Variants in IRAK3 observed in about 807,000 individuals in gnomAD.
IRAK3 encodes interleukin-1 receptor-associated kinase 3.
In IRAK3, 57 loss-of-function variants were observed where a neutral mutation model predicts 56.6. That is an observed-to-expected ratio of 1.01 (90% CI 0.81 to 1.26). The LOEUF (loss-of-function observed/expected upper bound fraction) is 1.26. IRAK3 is among the 50% of genes most tolerant of loss of function. The probability of loss-of-function intolerance (pLI) is 0.00; values close to 1 mark genes in which losing one functional copy is unlikely to be tolerated. For synonymous variants in IRAK3, 258 were observed against 255.7 expected (o/e 1.01, Z -0.09); for missense variants, 703 against 719.0 (o/e 0.98, Z 0.25).
In IRAK3 at chr12:66,211,347, T is replaced by C. The variant is rs953740207; in HGVS notation, c.437-99T>C. 4.6e-6 allele frequency: 4 copies of C among 871,258 alleles called. No individual in the cohort carries two copies. The African/African-American group carries it at 6.6e-5, about 14-fold the overall frequency. 54.0% of individuals were successfully genotyped at this position (871,258 alleles called of 1,614,324 possible). On this transcript the variant is annotated intron_variant, in intron 4 of 11. Transcript: ENST00000261233. ...GTTCCTGGGCCTTTCTCTACTAACCTTCCACTGGACTCTGATTTGTTTCTA... is the reference window on the plus strand; with the variant it reads ...GTTCCTGGGCCTTTCTCTACTAACCCTCCACTGGACTCTGATTTGTTTCTA...
In IRAK3 at chr12:66,239,299, CT is replaced by C. The variant is rs10677185; in HGVS notation, c.888-5173del. ...AAGAAGCCATTTGCTTCAAAATGGA[CT>C]TTTTTTTTTTTTTAATGGAAATTGA... On this transcript the variant is annotated intron_variant, in intron 8 of 11. Transcript: ENST00000261233. Among the ~76,000 whole-genome samples the C allele has an allele frequency of 1.1e-3, 165 of 144,588 alleles. 2 individuals are homozygous for C. The highest frequency in any genetic ancestry group is 3.7e-3 in the African/African-American group (143 of 39,078). The allele number at this position is 144,588 out of a possible 152,430, so 94.9% of individuals were successfully genotyped here.
chr12:66,242,501 G>A (rs2052980164), intron 8 of IRAK3, among the ~76,000 whole-genome samples: 1 of 152,222 alleles, frequency 6.6e-6, no homozygotes, highest in Non-Finnish European at 1.5e-5. Flanking sequence ...GAGTGGGTGA[G>A]GAGTGACAGA....
intron 11 of IRAK3, among the ~76,000 whole-genome samples, chr12:66,245,760 G>A (rs1401154003): frequency 6.6e-6 from 1 of 151,926 alleles, no homozygotes; most frequent in African/African-American, 2.4e-5. Flanking sequence ...TCGAACTCCT[G>A]ACCTCAAGTG....
At chr12:66,198,614 G>GTAGC (rs1372779222) in intron 1 of IRAK3, among the ~76,000 whole-genome samples, 2 of 152,068 alleles carry the variant, frequency 1.3e-5, no homozygotes, top group Non-Finnish European at 2.9e-5. Context: ...GTTTCAAAGG[G>GTAGC]TAGCAGGAAC....
At chr12:66,236,395 C>CAAAAAAAAAA (rs56074285) in intron 8 of IRAK3, among the ~76,000 whole-genome samples, 2 of 110,406 alleles carry the variant, frequency 1.8e-5, no homozygotes, top group African/African-American at 3.7e-5. Flanking sequence ...CTAAAAATAC[C>CAAAAAAAAAA]AAAAAAAAAA....
chr12:66,240,850 T>C (rs1321103489), intron 8 of IRAK3, among the ~76,000 whole-genome samples: 1 of 148,920 alleles, frequency 6.7e-6, no homozygotes, highest in Non-Finnish European at 1.5e-5. Context: ...TATCGGTATA[T>C]ATATTATATA....
At position 66,246,434 on chromosome 12, in the gene IRAK3, G is replaced by T. The variant is rs572453210; in HGVS notation, c.1314+1172G>T. Among the ~76,000 whole-genome samples, 9 of 152,300 alleles carry T rather than the reference G, an allele frequency of 5.9e-5. No individual in the cohort carries two copies. The South Asian group carries it at 1.7e-3, about 28-fold the overall frequency. On this transcript the variant is annotated intron_variant, in intron 11 of 11. Coordinates refer to ENST00000261233, the MANE Select transcript of IRAK3 (RefSeq NM_007199.3). Reference sequence around the variant, plus strand: ...TGAGTCTATCATAGAGCCATGCAAGGGTTTTAAACAAGGAGTTGACATAAT... The same window carrying T: ...TGAGTCTATCATAGAGCCATGCAAGTGTTTTAAACAAGGAGTTGACATAAT...
intron 8 of IRAK3, among the ~76,000 whole-genome samples, chr12:66,238,835 A>G (rs899427183): frequency 1.3e-5 from 2 of 152,222 alleles, no homozygotes; most frequent in Non-Finnish European, 2.9e-5. Flanking sequence ...AGAGAATGTT[A>G]TAAAAACAAA....
rs1418361101 is a variant in IRAK3, at chr12:66,217,037, A to G, written c.589-134A>G. ...GAAAATCTGTTGAAAGCTAAATGTCATCTCCCCAGAAAAGTGTTCATATGT... is the reference window on the plus strand; with the variant it reads ...GAAAATCTGTTGAAAGCTAAATGTCGTCTCCCCAGAAAAGTGTTCATATGT... On this transcript the variant is annotated intron_variant, in intron 5 of 11. Transcript: ENST00000261233. 18 of 723,848 alleles carry G rather than the reference A, an allele frequency of 2.5e-5. No homozygotes were observed. The South Asian group carries it at 2.7e-4, about 11-fold the overall frequency. The allele number at this position is 723,848 out of a possible 1,614,324, so 44.8% of individuals were successfully genotyped here. A position where few individuals can be genotyped will look rare whatever the true frequency, so the allele number is the denominator to read the frequency against.
intron 11 of IRAK3, among the ~76,000 whole-genome samples, chr12:66,245,599 A>ACTATCT (rs374709105): frequency 0.54 from 75,999 of 141,604 alleles, 20,835 homozygotes; most frequent in East Asian, 0.8. Context: ...GTGCAGTGGC[A>ACTATCT]CGGCCCACTG....
chr12:66,197,219 T>C (rs2052462837), intron 1 of IRAK3: 3 of 1,246,198 alleles, frequency 2.4e-6, no homozygotes, highest in Non-Finnish European at 3.0e-6. Context: ...TCTTAATTTG[T>C]ATTTTCAGTT....
intron 2 of IRAK3, among the ~76,000 whole-genome samples, chr12:66,206,669 T>A (rs548334498): frequency 6.6e-6 from 1 of 152,330 alleles, no homozygotes; most frequent in Admixed American, 6.5e-5. Flanking sequence ...GAGGTATTGG[T>A]CTGTTGTTTT....
chr12:66,235,363 G>T, intron 8 of IRAK3: 1 of 1,027,836 alleles, frequency 9.7e-7, no homozygotes, highest in Admixed American at 5.8e-5. Context: ...GGGGGAGGAC[G>T]CAAGGAGGGG....
intron 1 of IRAK3, among the ~76,000 whole-genome samples, chr12:66,195,700 C>T (rs976400269): frequency 5.3e-5 from 8 of 152,150 alleles, no homozygotes; most frequent in African/African-American, 1.9e-4. Flanking sequence ...GCTTTTGTTG[C>T]ACAGCCTGGA....
chr12:66,206,701 A>G (rs1327688437), intron 2 of IRAK3, among the ~76,000 whole-genome samples: 3 of 152,186 alleles, frequency 2.0e-5, no homozygotes, highest in Non-Finnish European at 4.4e-5. Context: ...TTTATCCGGC[A>G]TTGGTATCAA....
At chr12:66,213,715 A>G (rs925362019) in intron 5 of IRAK3, among the ~76,000 whole-genome samples, 10 of 151,786 alleles carry the variant, frequency 6.6e-5, no homozygotes, top group East Asian at 1.9e-4. Flanking sequence ...GTGTGTGGGA[A>G]CGCCTTACTT....
chr12:66,241,927 G>A (rs2052973788), intron 8 of IRAK3, among the ~76,000 whole-genome samples: 1 of 152,114 alleles, frequency 6.6e-6, no homozygotes, highest in East Asian at 1.9e-4. Flanking sequence ...TTAGATTGAA[G>A]GTTTTGTTGT....
At chr12:66,193,133 G>A (rs903495948) in intron 1 of IRAK3, among the ~76,000 whole-genome samples, 2 of 151,740 alleles carry the variant, frequency 1.3e-5, no homozygotes, top group African/African-American at 2.4e-5. Flanking sequence ...TCAGCCTCCC[G>A]AGTAGCTGGG....
intron 8 of IRAK3, among the ~76,000 whole-genome samples, chr12:66,242,789 G>T (rs2052984389): frequency 6.6e-6 from 1 of 152,314 alleles, no homozygotes; most frequent in South Asian, 2.1e-4. Flanking sequence ...AAAAGACCGC[G>T]GGGTCTGGGC....
Sources: allele counts gnomAD v4.1 joint callset (sites outside exome capture counted in the v4.1 genomes callset), GRCh38; gene constraint gnomAD v4.1.1; transcripts MANE v1.5; gene names NCBI Gene and HGNC (gene_info 2026-07-23, HGNC 2026-07-21).